Variants in IFFO2 observed in about 807,000 individuals in gnomAD.
IFFO2 encodes the protein intermediate filament family orphan 2.
In IFFO2, 19 loss-of-function variants were observed where a neutral mutation model predicts 53.5. That is an observed-to-expected ratio of 0.36 (90% confidence interval 0.25 to 0.52). IFFO2 has a LOEUF of 0.52. Among genes scored for constraint, IFFO2 ranks in the 20% least tolerant of loss-of-function variants. The pLI is 0.94. For synonymous variants in IFFO2, 303 were observed against 313.6 expected (o/e 0.97, Z 0.36); for missense variants, 570 against 727.4 (o/e 0.78, Z 2.49).
chr1:18,912,142 C>T (rs1338499439), intron 5 of IFFO2, 59 bp from the exon 6 acceptor site: 2 of 1,546,168 alleles, frequency 1.3e-6, no homozygotes, highest in Non-Finnish European at 1.7e-6. Flanking sequence ...GGGACCCATA[C>T]AGGGGACAGA....
chr1:18,913,894 G>A (rs530011104), intron 5 of IFFO2, among the ~76,000 whole-genome samples: 18 of 152,238 alleles, frequency 1.2e-4, no homozygotes, highest in Admixed American at 2.6e-4. Flanking sequence ...GCAGTGGTGC[G>A]ATCTCGGCTC....
rs887082750 is a variant in IFFO2 at position 18,908,153 on chromosome 1, G to A, written c.*408C>T. 14 of 210,642 alleles carry A rather than the reference G, an allele frequency of 6.6e-5. No homozygotes were observed. The highest frequency in any genetic ancestry group is 1.2e-4 in the Non-Finnish European group (12 of 101,136). The allele number at this position is 210,642 out of a possible 1,614,324, so 13.0% of individuals were successfully genotyped here. On this transcript the variant is annotated 3_prime_UTR_variant, in exon 9 of 9. Transcript: ENST00000455833. ...AATCAGAGGAGCAGGTGGGACGGAC[G>A]GCAGAAACCACATTACACCACGGCC...
intron 1 of IFFO2, among the ~76,000 whole-genome samples, chr1:18,931,193 T>C (rs1936371291): frequency 6.6e-6 from 1 of 151,956 alleles, no homozygotes; most frequent in Admixed American, 6.6e-5. Flanking sequence ...AAAAACACCT[T>C]TGGAGAAACT....
In IFFO2 at chr1:18,917,184, C is replaced by T; in HGVS notation, c.964-142G>A. 1 of 921,876 alleles carries T rather than the reference C, an allele frequency of 1.1e-6. No homozygotes were observed. Among genetic ancestry groups the T allele is most frequent in the East Asian group, 2.7e-5 (1 of 37,616 alleles). The allele number at this position is 921,876 out of a possible 1,614,324, so 57.1% of individuals were successfully genotyped here. The stretch of plus-strand genomic sequence containing the variant: ...CAGTGCCAGGAAAGGTGCAGGTCCT[C>T]TAAGAAGCAGGCGGCGTTAGCAGGA... On this transcript the variant is annotated intron_variant, in intron 4 of 8. Coordinates refer to ENST00000455833, the MANE Select transcript of IFFO2 (RefSeq NM_001136265.2). This position sits in a 1 kb window ranked among gnomAD's most constrained non-coding sequence, Gnocchi z 5.9.
rs779930646 is a variant in IFFO2 at position 18,928,995 on chromosome 1, C to T, written c.666-7874G>A. 9.9e-5 allele frequency among the ~76,000 whole-genome samples: 15 copies of T among 152,190 alleles called. No individual in the cohort carries two copies. The highest frequency in any genetic ancestry group is 2.2e-4 in the African/African-American group (9 of 41,460). On this transcript the variant is annotated intron_variant, in intron 1 of 8. Coordinates refer to ENST00000455833, the MANE Select transcript of IFFO2 (RefSeq NM_001136265.2). The surrounding 1 kb of genome is among the most constrained non-coding windows in gnomAD (Gnocchi z 4.9). ...TGCCCTCTCCCAGAAGAAGCAGCAG[C>T]GTGGTGTGGGAGCATGCATTCATTC...
intron 1 of IFFO2, among the ~76,000 whole-genome samples, chr1:18,941,853 A>T (rs1251807234): frequency 6.6e-6 from 1 of 152,186 alleles, no homozygotes; most frequent in Non-Finnish European, 1.5e-5. Flanking sequence ...GGACAGGGAA[A>T]GATTCCCCCA....
rs537395565 is a variant in IFFO2 at position 18,932,576 on chromosome 1, GGTT to G, written c.666-11458_666-11456del. 6.6e-5 allele frequency among the ~76,000 whole-genome samples: 10 copies of G among 152,366 alleles called. No homozygotes were observed. The South Asian group carries it at 1.9e-3, about 28-fold the overall frequency. ...GCTAACGGAAGAACCTGCCTTGCCA[GGTT>G]GTTGTAGTAAATGAGTCAACACACG... On this transcript the variant is annotated intron_variant, in intron 1 of 8. Transcript: ENST00000455833.
chr1:18,927,435 C>T lies in IFFO2; in HGVS notation c.666-6314G>A, dbSNP rs116539514. ...GGGCAGAGAGCAGCTTCCTTCCCGGCGGGTGGAGGGCTGGCACCTTCTCAG... is the reference window on the plus strand; with the variant it reads ...GGGCAGAGAGCAGCTTCCTTCCCGGTGGGTGGAGGGCTGGCACCTTCTCAG... On this transcript the variant is annotated intron_variant, in intron 1 of 8. Coordinates refer to ENST00000455833, the MANE Select transcript of IFFO2 (RefSeq NM_001136265.2). Among the ~76,000 whole-genome samples, 1,145 of 152,322 alleles carry T rather than the reference C, an allele frequency of 7.5e-3. 15 individuals are homozygous for T. The highest frequency in any genetic ancestry group is 0.026 in the African/African-American group (1,075 of 41,576).
At chr1:18,938,842 G>C (rs1382205082) in intron 1 of IFFO2, among the ~76,000 whole-genome samples, 1 of 152,218 alleles carries the variant, frequency 6.6e-6, no homozygotes, top group Non-Finnish European at 1.5e-5. Context: ...AAAGGCAGTA[G>C]GCAGTCTCCT....
At chr1:18,941,012 G>A (rs887809841) in intron 1 of IFFO2, among the ~76,000 whole-genome samples, 3 of 152,150 alleles carry the variant, frequency 2.0e-5, no homozygotes, top group Non-Finnish European at 4.4e-5. Context: ...TGGTGATCTT[G>A]GAAGCCAAAG....
At chr1:18,945,453 C>A (rs994780057) in intron 1 of IFFO2, among the ~76,000 whole-genome samples, 48 of 152,242 alleles carry the variant, frequency 3.2e-4, no homozygotes, top group African/African-American at 1.2e-3. Flanking sequence ...AGACCAGTAG[C>A]TCTTCCCCTC....
At chr1:18,923,092 G>A (rs1236755266) in intron 1 of IFFO2, among the ~76,000 whole-genome samples, 2 of 152,234 alleles carry the variant, frequency 1.3e-5, no homozygotes, top group African/African-American at 2.4e-5. Flanking sequence ...CAGGGCAGGT[G>A]CAAGGGCGAG....
At chr1:18,911,177 C>T (rs1212364072) in intron 7 of IFFO2, among the ~76,000 whole-genome samples, 3 of 152,250 alleles carry the variant, frequency 2.0e-5, no homozygotes, top group Non-Finnish European at 4.4e-5. Flanking sequence ...CTGAGGCAGG[C>T]AAGGATCACC....
In IFFO2 at chr1:18,939,612, T is replaced by G. The variant is rs577130963; in HGVS notation, c.665+16056A>C. On this transcript the variant is annotated intron_variant, in intron 1 of 8. Coordinates refer to ENST00000455833, the MANE Select transcript of IFFO2 (RefSeq NM_001136265.2). Reference sequence around the variant, plus strand: ...CAGCCAGATCTTTTCTGCATGAAGATTGTGTCTCAACTTGTATCTGAGTCA... The same window carrying G: ...CAGCCAGATCTTTTCTGCATGAAGAGTGTGTCTCAACTTGTATCTGAGTCA... 4.6e-5 allele frequency among the ~76,000 whole-genome samples: 7 copies of G among 152,298 alleles called. No homozygotes were observed. In the East Asian group the frequency reaches 7.7e-4, roughly 17 times the overall value.
intron 1 of IFFO2, among the ~76,000 whole-genome samples, chr1:18,948,272 C>T (rs903657989): frequency 6.6e-6 from 1 of 152,240 alleles, no homozygotes. Flanking sequence ...AACCACACCC[C>T]CATTGTACAG....
At position 18,918,283 on chromosome 1, in the gene IFFO2, G is replaced by T; in HGVS notation, c.963+79C>A. 7.0e-7 allele frequency: 1 copy of T among 1,436,510 alleles called. No individual in the cohort carries two copies. Among genetic ancestry groups the T allele is most frequent in the Non-Finnish European group, 9.5e-7 (1 of 1,053,288 alleles). The allele number at this position is 1,436,510 out of a possible 1,614,324, so 89.0% of individuals were successfully genotyped here. On this transcript the variant is annotated intron_variant, in intron 4 of 8. Coordinates refer to ENST00000455833, the MANE Select transcript of IFFO2 (RefSeq NM_001136265.2). This position sits in a 1 kb window ranked among gnomAD's most constrained non-coding sequence, Gnocchi z 5.2. ...GTGAGTGGGATGTGGAGGCAAACGG[G>T]TTGGCCGGGCAGGGGTGGAGGCCAG...
intron 1 of IFFO2, among the ~76,000 whole-genome samples, chr1:18,921,500 G>A (rs1212983164): frequency 6.6e-6 from 1 of 152,224 alleles, no homozygotes; most frequent in African/African-American, 2.4e-5. Context: ...TTAGGAGCCA[G>A]GCTGCAGCCA....
At chr1:18,926,045 A>ATTGGT (rs1936288701) in intron 1 of IFFO2, among the ~76,000 whole-genome samples, 2 of 97,532 alleles carry the variant, frequency 2.1e-5, no homozygotes, top group Non-Finnish European at 4.1e-5. Flanking sequence ...GGATGGATGG[A>ATTGGT]TGGATGGATT....
At chr1:18,914,730 G>A (rs747331651) in intron 5 of IFFO2, among the ~76,000 whole-genome samples, 1 of 151,478 alleles carries the variant, frequency 6.6e-6, no homozygotes, top group African/African-American at 2.4e-5. Context: ...GACTGAGGCA[G>A]GAGAATTGCT....
Sources: allele counts gnomAD v4.1 joint callset (sites outside exome capture counted in the v4.1 genomes callset), GRCh38; gene constraint gnomAD v4.1.1; non-coding constraint Gnocchi (gnomAD v3.1); transcripts MANE v1.5; gene names NCBI Gene and HGNC (gene_info 2026-07-23, HGNC 2026-07-21).